The following SLC71A1 variants were observed in gnomAD, a reference collection of about 807,000 sequenced individuals.
The protein encoded by SLC71A1 is solute carrier family 71 member 1, also known as hippocampus abundant gene transcript 1.
the SLC71A1 span, among the ~76,000 whole-genome samples, chr1:100,059,064 A>G: frequency 6.6e-6 from 1 of 151,812 alleles, no homozygotes; most frequent in Non-Finnish European, 1.5e-5. Context: ...ACTATACTAA[A>G]AAACCCCCAT....
chr1:100,062,997 T>G, the SLC71A1 span, among the ~76,000 whole-genome samples: 2 of 151,312 alleles, frequency 1.3e-5, no homozygotes, highest in African/African-American at 4.9e-5. Flanking sequence ...GATACAAGGC[T>G]GATGATAGCC....
chr1:100,039,736 C>G, the SLC71A1 span, among the ~76,000 whole-genome samples: 14 of 152,074 alleles, frequency 9.2e-5, no homozygotes, highest in Non-Finnish European at 1.0e-4. Flanking sequence ...AAAATAGTGG[C>G]AATGAAAGAT....
chr1:100,038,178 G>A, the SLC71A1 span: 1 of 1,475,706 alleles, frequency 6.8e-7, no homozygotes, highest in African/African-American at 1.4e-5. Context: ...ACTAGCTGCT[G>A]GGGCCTGCCG....
chr1:100,062,914 TAAAAAA>T, the SLC71A1 span, among the ~76,000 whole-genome samples: 5 of 116,158 alleles, frequency 4.3e-5, no homozygotes, highest in Non-Finnish European at 8.6e-5. Flanking sequence ...TGTCTCTATT[TAAAAAA>T]AAAAAAAAAA....
chr1:100,046,317 C>T, the SLC71A1 span, among the ~76,000 whole-genome samples: 7 of 144,770 alleles, frequency 4.8e-5, no homozygotes, highest in South Asian at 8.7e-4. Flanking sequence ...ACCTCTGCCT[C>T]CCTGGTTCAA....
the SLC71A1 span, chr1:100,077,061 T>A: frequency 1.6e-6 from 1 of 615,918 alleles, no homozygotes; most frequent in Non-Finnish European, 2.8e-6. Flanking sequence ...TTGCTGAAAA[T>A]CAGCCAAATT....
the SLC71A1 span, among the ~76,000 whole-genome samples, chr1:100,062,286 A>G: frequency 1.3e-5 from 2 of 152,212 alleles, no homozygotes; most frequent in African/African-American, 2.4e-5. Flanking sequence ...TTTAATGTCT[A>G]ATCTAAAATA....
chr1:100,066,782 G>C, the SLC71A1 span, among the ~76,000 whole-genome samples: 2 of 152,052 alleles, frequency 1.3e-5, no homozygotes, highest in Non-Finnish European at 2.9e-5. Context: ...GAGGTCAGGA[G>C]ATCGAGACCA....
At chr1:100,038,669 A>AGCCTC in the SLC71A1 span, among the ~76,000 whole-genome samples, 10 of 152,142 alleles carry the variant, frequency 6.6e-5, no homozygotes, top group Non-Finnish European at 1.0e-4. Flanking sequence ...TCGTCGCCGC[A>AGCCTC]GCCTCGCCTC....
the SLC71A1 span, among the ~76,000 whole-genome samples, chr1:100,062,274 C>T: frequency 2.0e-5 from 3 of 152,130 alleles, no homozygotes. Context: ...AATCACTACT[C>T]ATTTAATGTC....
the SLC71A1 span, among the ~76,000 whole-genome samples, chr1:100,047,096 G>C: frequency 1.3e-5 from 2 of 152,126 alleles, no homozygotes; most frequent in African/African-American, 4.8e-5. Flanking sequence ...CCAGTACTTT[G>C]TTGAATAAGA....
chr1:100,049,861 T>C, the SLC71A1 span: 3 of 888,914 alleles, frequency 3.4e-6, no homozygotes, highest in East Asian at 4.9e-5. Flanking sequence ...AATTATAGAA[T>C]GTACTGTTAA....
At chr1:100,044,306 T>C in the SLC71A1 span, among the ~76,000 whole-genome samples, 1 of 152,216 alleles carries the variant, frequency 6.6e-6, no homozygotes, top group South Asian at 2.1e-4. Flanking sequence ...ATTGGTGATG[T>C]TGAGCATCTT....
chr1:100,044,028 C>A, the SLC71A1 span, among the ~76,000 whole-genome samples: 1 of 152,220 alleles, frequency 6.6e-6, no homozygotes, highest in Admixed American at 6.5e-5. Flanking sequence ...GTACATGTGT[C>A]TTTTTCATAT....
At chr1:100,042,115 G>C in the SLC71A1 span, among the ~76,000 whole-genome samples, 1 of 152,102 alleles carries the variant, frequency 6.6e-6, no homozygotes, top group Non-Finnish European at 1.5e-5. Flanking sequence ...GTTATTTACA[G>C]TATTCAAATT....
the SLC71A1 span, among the ~76,000 whole-genome samples, chr1:100,053,516 C>T: frequency 1.3e-5 from 2 of 152,060 alleles, no homozygotes; most frequent in South Asian, 2.1e-4. Context: ...ATTTCCCTGT[C>T]CCTCCCTCAA....
the SLC71A1 span, among the ~76,000 whole-genome samples, chr1:100,057,299 A>C: frequency 6.6e-6 from 1 of 150,550 alleles, no homozygotes; most frequent in African/African-American, 2.4e-5. Flanking sequence ...ATTGGAACAC[A>C]GTCAAACCCA....
the SLC71A1 span, chr1:100,078,657 T>C: frequency 1.4e-6 from 1 of 737,380 alleles, no homozygotes; most frequent in East Asian, 2.6e-5. Context: ...GTAGAGACTT[T>C]TAAAATTGCT....
the SLC71A1 span, among the ~76,000 whole-genome samples, chr1:100,049,528 G>A: frequency 2.6e-5 from 4 of 152,022 alleles, no homozygotes; most frequent in East Asian, 1.9e-4. Flanking sequence ...TACTGAACTC[G>A]ATATATGAGA....
Sources: allele counts gnomAD v4.1 joint callset (sites outside exome capture counted in the v4.1 genomes callset), GRCh38; gene constraint gnomAD v4.1.1; transcripts MANE v1.5; gene names NCBI Gene and HGNC (gene_info 2026-07-23, HGNC 2026-07-21).